LAMC1: variants seen among roughly 807,000 people sequenced by gnomAD.
LAMC1 encodes the protein laminin subunit gamma 1.
Under a neutral mutation model 173.6 loss-of-function variants are expected in LAMC1, and 38 were observed. That is an observed-to-expected ratio of 0.22 (90% CI 0.17 to 0.29). The LOEUF (loss-of-function observed/expected upper bound fraction) is 0.29, where lower values mean the gene tolerates loss of function less well. LAMC1 is among the 10% of genes least tolerant of loss of function. The pLI is 1.00. For synonymous variants in LAMC1, 746 were observed against 749.1 expected, an observed-to-expected ratio of 1.00 and a Z score of 0.07; for missense variants, 1,824 against 2,051.8, an observed-to-expected ratio of 0.89 and a Z score of 2.14.
rs1269073769 is a variant in LAMC1 at position 183,144,259 on chromosome 1, TATTA to T, written c.*1474_*1477del. ...AAACTATTATCTGACACACTGGTGC[TATTA>T]ATTATTTCAAATTTATATTTTTGTG... On this transcript the variant is annotated 3_prime_UTR_variant, in exon 28 of 28. Coordinates refer to ENST00000258341, the MANE Select transcript of LAMC1 (RefSeq NM_002293.4). 1.3e-5 allele frequency: 2 copies of T among 152,666 alleles called. No individual in the cohort carries two copies. The highest frequency in any genetic ancestry group is 2.4e-5 in the African/African-American group (1 of 41,462). The allele number at this position is 152,666 out of a possible 1,614,324, so 9.5% of individuals were successfully genotyped here.
At chr1:183,055,705 G>A (rs761611840) in intron 1 of LAMC1, among the ~76,000 whole-genome samples, 24 of 152,046 alleles carry the variant, frequency 1.6e-4, no homozygotes, top group Non-Finnish European at 2.9e-4. Flanking sequence ...GCAGCTACTC[G>A]GGAGGCTGAG....
chr1:183,126,046 A>G (rs1422007250), intron 15 of LAMC1, 74 bp from the exon 16 acceptor site: 5 of 1,384,154 alleles, frequency 3.6e-6, no homozygotes, highest in East Asian at 2.4e-5. Flanking sequence ...CATCAGTGCT[A>G]TACTAAAAAA....
At position 183,124,686 on chromosome 1, in the gene LAMC1, C is replaced by A. The variant is rs748094507; in HGVS notation, c.2457C>A (p.Asn819Lys). 4 of 1,614,086 alleles carry A rather than the reference C, an allele frequency of 2.5e-6. No individual in the cohort carries two copies. The South Asian group carries it at 4.4e-5, about 18-fold the overall frequency. ...DGYFGDPLGR[N>K]GPVRLCRLCQ... is the part of the protein sequence containing the mutation. The stretch of plus-strand genomic sequence containing the variant: ...ACTTTGGAGACCCCCTGGGTAGAAA[C>A]GGCCCTGTGAGACTTTGCCGCCTGT... The change falls in exon 14 of 28, where the codon AAC becomes AAA. Residue 819 changes from asparagine (N) to lysine (K), a missense_variant. Physicochemically the swap from Asn to Lys is moderately conservative, Grantham distance 94 (BLOSUM62 0). Coordinates refer to ENST00000258341, the MANE Select transcript of LAMC1 (RefSeq NM_002293.4).
At chr1:183,040,431 G>T (rs1349115463) in intron 1 of LAMC1, among the ~76,000 whole-genome samples, 3 of 152,172 alleles carry the variant, frequency 2.0e-5, no homozygotes, top group Non-Finnish European at 4.4e-5. Context: ...TCAAACATCT[G>T]CTGGGAAATC....
chr1:183,023,589 C>T lies in LAMC1; in HGVS notation c.-128C>T, dbSNP rs1013999064. 23 of 665,722 alleles carry T rather than the reference C, an allele frequency of 3.5e-5. No homozygotes were observed. Among genetic ancestry groups the T allele is most frequent in the Non-Finnish European group, 5.9e-6 (3 of 506,732 alleles). The allele number at this position is 665,722 out of a possible 1,614,324, so 41.2% of individuals were successfully genotyped here. On this transcript the variant is annotated 5_prime_UTR_variant, in exon 1 of 28. Coordinates refer to ENST00000258341, the MANE Select transcript of LAMC1 (RefSeq NM_002293.4). The stretch of plus-strand genomic sequence containing the variant: ...TCTCCGGCGCGAGCCGCCGCCACCG[C>T]CCGCGCCGGAGTCAGGCCCCTGGGC...
chr1:183,044,941 A>G (rs1440878773), intron 1 of LAMC1, among the ~76,000 whole-genome samples: 1 of 151,672 alleles, frequency 6.6e-6, no homozygotes, highest in Non-Finnish European at 1.5e-5. Context: ...AAAAAAAAAA[A>G]GATCCACTAA....
intron 1 of LAMC1, among the ~76,000 whole-genome samples, chr1:183,051,712 A>G (rs939708070): frequency 1.3e-5 from 2 of 152,198 alleles, no homozygotes; most frequent in Non-Finnish European, 2.9e-5. Flanking sequence ...AGACACCCAG[A>G]GGAAGTTACA....
chr1:183,041,597 G>A (rs1449483295), intron 1 of LAMC1, among the ~76,000 whole-genome samples: 1 of 152,238 alleles, frequency 6.6e-6, no homozygotes, highest in South Asian at 2.1e-4. Flanking sequence ...AAGACAAGAC[G>A]AATCCATAGA....
chr1:183,055,171 G>A (rs1342511971), intron 1 of LAMC1, among the ~76,000 whole-genome samples: 2 of 151,168 alleles, frequency 1.3e-5, no homozygotes, highest in Non-Finnish European at 3.0e-5. Flanking sequence ...TGTATTTTTA[G>A]CAGAGACGGG....
At position 183,134,742 on chromosome 1, in the gene LAMC1, G is replaced by A. The variant is rs367608118; in HGVS notation, c.3932G>A (p.Arg1311Lys). Residue 1311 changes from arginine to lysine, a missense_variant, in exon 23 of 28, where the codon AGA (arginine) becomes AAA (lysine). Transcript: ENST00000258341. ...AAATTAAAAGATTATGAGGACCTCAGAGAAGATATGAGAGGGAAGGAACTT... is the reference window on the plus strand; with the variant it reads ...AAATTAAAAGATTATGAGGACCTCAAAGAAGATATGAGAGGGAAGGAACTT... ...DQKLKDYEDL[R>K]EDMRGKELEV... The A allele has an allele frequency of 6.2e-7, 1 of 1,613,192 alleles. No homozygotes were observed. Among genetic ancestry groups the A allele is most frequent in the Non-Finnish European group, 8.5e-7 (1 of 1,179,154 alleles).
In LAMC1 at chr1:183,082,205, A is replaced by G. The variant is rs568042093; in HGVS notation, c.419-21123A>G. Among the ~76,000 whole-genome samples the G allele has an allele frequency of 2.6e-5, 4 of 152,336 alleles. No individual in the cohort carries two copies. The South Asian group carries it at 8.3e-4, about 32-fold the overall frequency. ...AAAATTTCTATAAACACATCTGTAT[A>G]CATATTTTTGTGTGGACATACATTT... On this transcript the variant is annotated intron_variant, in intron 1 of 27. Coordinates refer to ENST00000258341, the MANE Select transcript of LAMC1 (RefSeq NM_002293.4).
chr1:183,131,233 GA>G, intron 19 of LAMC1, 65 bp from the exon 20 acceptor site: 1 of 954,508 alleles, frequency 1.0e-6, no homozygotes, highest in South Asian at 1.4e-5. Context: ...ATTTAGTTTT[GA>G]CTCTTGCTTT....
In LAMC1 at chr1:183,114,424, C is replaced by T. The variant is rs1283587203; in HGVS notation, c.1022-107C>T. On this transcript the variant is annotated intron_variant, in intron 4 of 27. Transcript: ENST00000258341. Reference sequence around the variant, plus strand: ...CTGGTAATCATTCTTAGTCTACCACCATCTGTCTGTCTCAGAGATGTGGGA... The same window carrying T: ...CTGGTAATCATTCTTAGTCTACCACTATCTGTCTGTCTCAGAGATGTGGGA... The T allele has an allele frequency of 5.5e-6, 6 of 1,099,992 alleles. No individual in the cohort carries two copies. The Admixed American group carries it at 8.9e-5, about 16-fold the overall frequency. The allele number at this position is 1,099,992 out of a possible 1,614,324, so 68.1% of individuals were successfully genotyped here.
At chr1:183,090,314 A>G (rs559299955) in intron 1 of LAMC1, among the ~76,000 whole-genome samples, 3 of 152,262 alleles carry the variant, frequency 2.0e-5, no homozygotes, top group East Asian at 3.9e-4. Flanking sequence ...CATTTTAGCT[A>G]TTTTGTAGAA....
At chr1:183,074,742 C>T (rs1390029682) in intron 1 of LAMC1, among the ~76,000 whole-genome samples, 4 of 152,040 alleles carry the variant, frequency 2.6e-5, no homozygotes, top group East Asian at 3.8e-4. Context: ...AGTTTTATAC[C>T]TTTAATCCCC....
chr1:183,089,053 C>T (rs567240532), intron 1 of LAMC1, among the ~76,000 whole-genome samples: 1 of 152,130 alleles, frequency 6.6e-6, no homozygotes, highest in Admixed American at 6.5e-5. Context: ...AGAATACTTT[C>T]CATCTTCTTC....
chr1:183,023,552 C>T lies in LAMC1; in HGVS notation c.-165C>T, dbSNP rs1415489789. On this transcript the variant is annotated 5_prime_UTR_variant, in exon 1 of 28. Transcript: ENST00000258341. ...CAGCGCGGTCCTCGCTAGGGGCGCC[C>T]ACCCGTCAGTCTCTCCGGCGCGAGC... 5 of 356,830 alleles carry T rather than the reference C, an allele frequency of 1.4e-5. No homozygotes were observed. The highest frequency in any genetic ancestry group is 5.4e-5 in the Admixed American group (1 of 18,506). The allele number at this position is 356,830 out of a possible 1,614,324, so 22.1% of individuals were successfully genotyped here.
chr1:183,053,245 C>T (rs543300853), intron 1 of LAMC1, among the ~76,000 whole-genome samples: 212 of 152,266 alleles, frequency 1.4e-3, no homozygotes, highest in Non-Finnish European at 2.3e-3. Context: ...CAGATATTTT[C>T]GACTATAGCC....
intron 1 of LAMC1, among the ~76,000 whole-genome samples, chr1:183,031,314 T>G (rs756829972): frequency 6.6e-6 from 1 of 151,998 alleles, no homozygotes. Context: ...TTTTTTTTCT[T>G]TTTTTTTGGA....
Sources: gnomAD v4.1 joint callset for allele counts (sites outside exome capture counted in the v4.1 genomes callset) on GRCh38, gnomAD v4.1.1 for gene constraint, MANE v1.5 for transcripts, NCBI Gene and HGNC (gene_info 2026-07-23, HGNC 2026-07-21) for gene names.